The following FRMPD2 variants were observed in gnomAD, a reference collection of about 807,000 sequenced individuals.
The protein encoded by FRMPD2 is FERM and PDZ domain-containing protein 2.
FRMPD2 carries 96 observed loss-of-function variants against 140.1 expected under a neutral mutation model. The observed-to-expected ratio is 0.69, with a 90% CI of 0.58 to 0.81. The LOEUF (loss-of-function observed/expected upper bound fraction) is 0.81, where lower values mean the gene tolerates loss of function less well. FRMPD2 is among the 40% of genes least tolerant of loss of function. The probability of loss-of-function intolerance (pLI) is 0.00; values close to 1 mark genes in which losing one functional copy is unlikely to be tolerated. For synonymous variants in FRMPD2, 449 were observed against 547.6 expected (o/e 0.82, Z 2.52); for missense variants, 1,240 against 1,447.4 (o/e 0.86, Z 2.32).
At chr10:48,239,730 C>T (rs745597418) in intron 6 of FRMPD2, 38 bp from the exon 7 acceptor site, 1 of 1,488,624 alleles carries the variant, frequency 6.7e-7, no homozygotes, top group African/African-American at 1.4e-5. Flanking sequence ...GGGCAGAAGC[C>T]AAGATCACGG....
chr10:48,185,367 A>C (rs1334457863), intron 18 of FRMPD2, among the ~76,000 whole-genome samples, 186 bp downstream of exon 18: 1 of 152,212 alleles, frequency 6.6e-6, no homozygotes, highest in Non-Finnish European at 1.5e-5. Flanking sequence ...ACTTGGAAAC[A>C]AAAGTCCCAT....
In FRMPD2 at chr10:48,225,669, C is replaced by A. The variant is rs546583157; in HGVS notation, c.1169-2399G>T. ...CAGAATAAACTCTTTCTTTGGAAAG[C>A]CTGTCTCTCTTTGTTGTTATTTTAG... On this transcript the variant is annotated intron_variant, in intron 10 of 28. Transcript: ENST00000374201. Among the ~76,000 whole-genome samples, 70 of 152,312 alleles carry A rather than the reference C, an allele frequency of 4.6e-4. No homozygotes were observed. In the South Asian group the frequency reaches 0.014, roughly 31 times the overall value.
chr10:48,238,870 T>C (rs1840030245), intron 7 of FRMPD2, among the ~76,000 whole-genome samples: 1 of 152,248 alleles, frequency 6.6e-6, no homozygotes, highest in Non-Finnish European at 1.5e-5. Context: ...GGAGTCTATT[T>C]CTTACTCCTT....
chr10:48,192,459 T>C lies in FRMPD2; in HGVS notation c.2165+225A>G, dbSNP rs548839736. On this transcript the variant is annotated intron_variant, in intron 16 of 28. Transcript: ENST00000374201. ...AAAATTAGCAGGGTGTGGCAGTGCATGCCTGTAATCCCAGCTACTCAGGAG... is the reference window on the plus strand; with the variant it reads ...AAAATTAGCAGGGTGTGGCAGTGCACGCCTGTAATCCCAGCTACTCAGGAG... 4.3e-4 allele frequency among the ~76,000 whole-genome samples: 66 copies of C among 152,118 alleles called. No homozygotes were observed. In the East Asian group the frequency reaches 9.7e-3, roughly 22 times the overall value.
At chr10:48,257,353 C>T (rs375810065) in intron 1 of FRMPD2, among the ~76,000 whole-genome samples, 27 of 151,976 alleles carry the variant, frequency 1.8e-4, no homozygotes, top group South Asian at 1.5e-3. Flanking sequence ...GATCTCGGCT[C>T]TCTGCAACCT....
chr10:48,248,986 G>C (rs367734699), intron 3 of FRMPD2, 35 bp downstream of exon 3: 1 of 1,565,432 alleles, frequency 6.4e-7, no homozygotes, highest in Non-Finnish European at 8.7e-7. Context: ...CCAGGGCACA[G>C]GACTCAGAAG....
chr10:48,185,940 T>C (rs1037205682), intron 17 of FRMPD2, among the ~76,000 whole-genome samples: 3 of 152,234 alleles, frequency 2.0e-5, no homozygotes, highest in Non-Finnish European at 1.5e-5. Flanking sequence ...TGACTTACTG[T>C]AGCTATTTTT....
At chr10:48,250,430 C>T (rs115518830) in intron 2 of FRMPD2, among the ~76,000 whole-genome samples, 68 of 152,238 alleles carry the variant, frequency 4.5e-4, no homozygotes, top group African/African-American at 1.5e-3. Flanking sequence ...CAGAGTTTCG[C>T]GCTCTTGTCA....
At chr10:48,262,426 A>G (rs1210048280) in intron 1 of FRMPD2, among the ~76,000 whole-genome samples, 1 of 152,230 alleles carries the variant, frequency 6.6e-6, no homozygotes, top group Non-Finnish European at 1.5e-5. Context: ...ATAGAGGTCA[A>G]TATTCCAAGA....
chr10:48,270,778 A>G (rs938735881), intron 1 of FRMPD2, among the ~76,000 whole-genome samples: 2 of 152,006 alleles, frequency 1.3e-5, no homozygotes, highest in Admixed American at 1.3e-4. Context: ...CAAGCCAAAC[A>G]TTCAGACGAC....
intron 12 of FRMPD2, among the ~76,000 whole-genome samples, chr10:48,216,050 T>G (rs1402102936): frequency 6.6e-6 from 1 of 152,232 alleles, no homozygotes; most frequent in Non-Finnish European, 1.5e-5. Flanking sequence ...AGCTCCTCTC[T>G]GCCTGACTCT....
At chr10:48,182,527 TG>T (rs1838576995) in intron 20 of FRMPD2, among the ~76,000 whole-genome samples, 2 of 152,128 alleles carry the variant, frequency 1.3e-5, no homozygotes. Context: ...AAGAAAGTCA[TG>T]GTAGTCAAGT....
intron 20 of FRMPD2, among the ~76,000 whole-genome samples, chr10:48,181,887 T>TACACACACACACACACACAC (rs56127751): frequency 2.7e-5 from 3 of 111,526 alleles, no homozygotes; most frequent in South Asian, 3.0e-4. Context: ...ATGGCTCTCA[T>TACACACACACACACACACAC]ACACACACAC....
chr10:48,265,494 T>C (rs527633421), intron 1 of FRMPD2, among the ~76,000 whole-genome samples: 4 of 152,136 alleles, frequency 2.6e-5, no homozygotes, highest in Non-Finnish European at 5.9e-5. Context: ...ATCCAGCATT[T>C]ATAAGAAACT....
At chr10:48,203,019 C>T (rs900084792) in intron 14 of FRMPD2, among the ~76,000 whole-genome samples, 3 of 152,084 alleles carry the variant, frequency 2.0e-5, no homozygotes, top group Non-Finnish European at 2.9e-5. Context: ...AGGCTGCTCT[C>T]GAACTCCTGG....
chr10:48,230,268 T>A (rs1839821031), intron 10 of FRMPD2, among the ~76,000 whole-genome samples: 1 of 152,218 alleles, frequency 6.6e-6, no homozygotes, highest in Non-Finnish European at 1.5e-5. Flanking sequence ...ATTCTTATTT[T>A]TATGATAATA....
At chr10:48,237,627 C>T (rs943191004) in intron 8 of FRMPD2, among the ~76,000 whole-genome samples, 2 of 152,118 alleles carry the variant, frequency 1.3e-5, no homozygotes, top group African/African-American at 4.8e-5. Flanking sequence ...TGGATCTATG[C>T]TCCCACCTTT....
intron 3 of FRMPD2, 79 bp downstream of exon 3, chr10:48,248,942 G>A: frequency 7.5e-7 from 1 of 1,331,414 alleles, no homozygotes; most frequent in South Asian, 1.6e-5. Context: ...GCTGAGCTGG[G>A]AGCTGGGGAG....
Position 48,238,090 on chromosome 10 carries a change from C to G in FRMPD2, c.822G>C (p.Gln274His). The change falls in exon 8 of 29, where the codon CAG (glutamine) becomes CAC (histidine). Residue 274 changes from glutamine to histidine, a missense_variant. Transcript: ENST00000374201. ...ALPGADPQDQ[Q>H]AGRRLSSGSV... ...ATCCAGAGCTGAGCCTCCGGCCCGCCTGCTGGTCCTGGGGATCTGCTCCTG... is the reference window on the plus strand; with the variant it reads ...ATCCAGAGCTGAGCCTCCGGCCCGCGTGCTGGTCCTGGGGATCTGCTCCTG... 6.2e-7 allele frequency: 1 copy of G among 1,613,216 alleles called. No individual in the cohort carries two copies. Among genetic ancestry groups the G allele is most frequent in the East Asian group, 2.2e-5 (1 of 44,890 alleles).
Sources: allele counts gnomAD v4.1 joint callset (sites outside exome capture counted in the v4.1 genomes callset), GRCh38; gene constraint gnomAD v4.1.1; transcripts MANE v1.5; gene names NCBI Gene and HGNC (gene_info 2026-07-23, HGNC 2026-07-21).